Variants in STON1 observed in about 807,000 individuals in gnomAD.
The protein encoded by STON1 is stonin-1.
STON1 carries 79 observed loss-of-function variants against 60.9 expected under a neutral mutation model. The ratio of observed to expected loss-of-function variants is 1.30; its 90% CI spans 1.08 to 1.56. The LOEUF is 1.56. Ranked by LOEUF, STON1 falls within the 40% of genes most tolerant of loss-of-function variation. STON1 has a pLI of 0.00. For missense variants in STON1, 1,166 were observed against 858.9 expected (o/e 1.36, Z -4.47); for synonymous variants, 363 against 306.9 (o/e 1.18, Z -1.91).
rs1322217733 is a variant in STON1 at position 48,564,595 on chromosome 2, TCC to T, written c.-47-15991_-47-15990del. 4.2e-4 allele frequency among the ~76,000 whole-genome samples: 30 copies of T among 71,554 alleles called. 8 individuals carry two copies. The highest frequency in any genetic ancestry group is 6.8e-4 in the Admixed American group (5 of 7,392). 46.9% of individuals were successfully genotyped at this position (71,554 alleles called of 152,430 possible). The stretch of plus-strand genomic sequence containing the variant: ...CTTCTCCTTCTCCTCCTCCTCCTCC[TCC>T]TCCTCCTTCTCCTTCTCCTTCTCCT... On this transcript the variant is annotated intron_variant, in intron 1 of 3. Transcript: ENST00000404752.
chr2:48,576,185 C>T (rs919913306), intron 1 of STON1, among the ~76,000 whole-genome samples: 9 of 63,070 alleles, frequency 1.4e-4, no homozygotes, highest in East Asian at 1.1e-3. Flanking sequence ...GTTTTCCTTT[C>T]TTTTTTTTTT....
At chr2:48,573,700 G>C (rs1673333141) in intron 1 of STON1, among the ~76,000 whole-genome samples, 2 of 152,192 alleles carry the variant, frequency 1.3e-5, no homozygotes, top group Non-Finnish European at 2.9e-5. Flanking sequence ...CAAGAAAAAG[G>C]ATCACACGAA....
intron 1 of STON1, among the ~76,000 whole-genome samples, chr2:48,572,086 C>G (rs1030311457): frequency 9.9e-5 from 15 of 152,136 alleles, no homozygotes; most frequent in Non-Finnish European, 2.1e-4. Flanking sequence ...TTGCTTGAAC[C>G]TGGGAGGCAG....
chr2:48,590,365 A>G, intron 2 of STON1, among the ~76,000 whole-genome samples: 1 of 152,180 alleles, frequency 6.6e-6, no homozygotes, highest in East Asian at 1.9e-4. Context: ...TATGGAACGA[A>G]AGGTAATTTA....
At chr2:48,583,910 C>A (rs562493945) in intron 2 of STON1, among the ~76,000 whole-genome samples, 3 of 152,090 alleles carry the variant, frequency 2.0e-5, no homozygotes, top group African/African-American at 4.8e-5. Context: ...CACCACCATG[C>A]CTGGCTAATT....
At chr2:48,557,911 A>G (rs1412924491) in intron 1 of STON1, among the ~76,000 whole-genome samples, 4 of 152,210 alleles carry the variant, frequency 2.6e-5, no homozygotes, top group African/African-American at 4.8e-5. Flanking sequence ...TGCTTTGTAT[A>G]TAGGACCTTA....
intron 1 of STON1, among the ~76,000 whole-genome samples, chr2:48,558,585 T>C (rs185521304): frequency 5.3e-4 from 81 of 152,362 alleles, no homozygotes; most frequent in African/African-American, 1.9e-3. Flanking sequence ...AATTGGATTT[T>C]GTATCTGCTT....
At chr2:48,564,442 T>C (rs1165919694) in intron 1 of STON1, among the ~76,000 whole-genome samples, 17 of 50,252 alleles carry the variant, frequency 3.4e-4, no homozygotes, top group African/African-American at 1.0e-3. Context: ...TTCTTCTTCT[T>C]CTTCTTCTTC....
In STON1 at chr2:48,581,082, G is replaced by A. The variant is rs191162747; in HGVS notation, c.449G>A (p.Gly150Asp). Residue 150 changes from glycine to aspartate, a missense_variant, in exon 2 of 4, where the codon GGT becomes GAT. Transcript: ENST00000404752. Reference sequence around the variant, plus strand: ...TGTACACATCCAACTCCCAAAGTAGGTCTTCCAGATGAAGTTAATCCTCAA... The same window carrying A: ...TGTACACATCCAACTCCCAAAGTAGATCTTCCAGATGAAGTTAATCCTCAA... Reference protein sequence around the residue: ...HSCTHPTPKVGLPDEVNPQQA... With the variant: ...HSCTHPTPKVDLPDEVNPQQA... 6.2e-7 allele frequency: 1 copy of A among 1,600,832 alleles called. No homozygotes were observed. Among genetic ancestry groups the A allele is most frequent in the Non-Finnish European group, 8.5e-7 (1 of 1,175,048 alleles).
chr2:48,582,291 C>T lies in STON1; in HGVS notation c.1658C>T (p.Ala553Val), dbSNP rs754981323. The T allele has an allele frequency of 6.4e-5, 103 of 1,614,040 alleles. 3 individuals are homozygous for T. In the South Asian group the frequency reaches 8.9e-4, roughly 14 times the overall value. Reference sequence around the variant, plus strand: ...GCTTTTGTCAACATGGCCTCATTGGCGCAGAGGTCATCCTATGCTGGTTCC... The same window carrying T: ...GCTTTTGTCAACATGGCCTCATTGGTGCAGAGGTCATCCTATGCTGGTTCC... ...LQAFVNMASL[A>V]QRSSYAGSLR... Residue 553 changes from alanine to valine, a missense_variant, in exon 2 of 4, where the codon GCG becomes GTG. Physicochemically the swap from Ala to Val is moderately conservative, Grantham distance 64 (BLOSUM62 0). Transcript: ENST00000404752.
chr2:48,531,785 C>G (rs767767616), intron 1 of STON1: 6 of 152,172 alleles, frequency 3.9e-5, no homozygotes, highest in Non-Finnish European at 7.3e-5. Context: ...CTTCTCAAAA[C>G]TTTAGCCATT....
At chr2:48,587,714 C>A (rs534216195) in intron 2 of STON1, among the ~76,000 whole-genome samples, 26 of 152,308 alleles carry the variant, frequency 1.7e-4, no homozygotes, top group African/African-American at 6.3e-4. Context: ...GTCATATCAC[C>A]AGGCCCACAG....
At position 48,581,271 on chromosome 2, in the gene STON1, A is replaced by T; in HGVS notation, c.638A>T (p.Glu213Val). The T allele has an allele frequency of 1.3e-6, 2 of 1,519,136 alleles. No homozygotes were observed. Among genetic ancestry groups the T allele is most frequent in the Non-Finnish European group, 1.8e-6 (2 of 1,137,884 alleles). The allele number at this position is 1,519,136 out of a possible 1,614,324, so 94.1% of individuals were successfully genotyped here. ...AAGATGTTCTCATCAAGAAACAAGG[A>T]GATGCCTATTGACCAAAAAAGCCTA... ...SKKMFSSRNK[E>V]MPIDQKSLNK... Residue 213 changes from glutamate (E) to valine (V), a missense_variant, in exon 2 of 4, where the codon GAG becomes GTG. Coordinates refer to ENST00000404752, the MANE Select transcript of STON1 (RefSeq NM_006873.4).
chr2:48,576,860 C>G (rs1170317918), intron 1 of STON1, among the ~76,000 whole-genome samples: 1 of 151,594 alleles, frequency 6.6e-6, no homozygotes, highest in Admixed American at 6.6e-5. Context: ...TGAGACCATC[C>G]TGGCTAACAC....
In STON1 at chr2:48,582,146, G is replaced by T; in HGVS notation, c.1513G>T (p.Val505Leu). ...EFEQSRIIKFVPLDACRFELM... is the reference protein window; with the variant it reads ...EFEQSRIIKFLPLDACRFELM... ...TGAGCAATCAAGAATCATTAAGTTT[G>T]TACCTCTGGATGCCTGCCGGTTTGA... is the stretch of plus-strand genomic sequence containing the variant. The change falls in exon 2 of 4, where the codon GTA (valine) becomes TTA (leucine). Residue 505 changes from valine to leucine, a missense_variant. Coordinates refer to ENST00000404752, the MANE Select transcript of STON1 (RefSeq NM_006873.4). 2 of 1,614,206 alleles carry T rather than the reference G, an allele frequency of 1.2e-6. No homozygotes were observed. The highest frequency in any genetic ancestry group is 1.7e-4 in the Middle Eastern group (1 of 6,060).
At chr2:48,552,554 G>A (rs1672147958) in intron 1 of STON1, among the ~76,000 whole-genome samples, 2 of 152,096 alleles carry the variant, frequency 1.3e-5, no homozygotes, top group Non-Finnish European at 2.9e-5. Context: ...CCTGGGGTCA[G>A]GAGTTCGGGA....
intron 1 of STON1, among the ~76,000 whole-genome samples, chr2:48,564,835 T>G (rs1672864922): frequency 6.9e-6 from 1 of 145,430 alleles, no homozygotes; most frequent in Non-Finnish European, 1.5e-5. Flanking sequence ...TGGGTCCAAG[T>G]GATTCTCCTG....
At chr2:48,532,709 G>A (rs908591993) in intron 1 of STON1, among the ~76,000 whole-genome samples, 4 of 152,162 alleles carry the variant, frequency 2.6e-5, no homozygotes, top group East Asian at 1.9e-4. Flanking sequence ...CCAGCAGCCC[G>A]AGGAGAGGCT....
In STON1 at chr2:48,581,099, A is replaced by T; in HGVS notation, c.466A>T (p.Asn156Tyr). 1 of 1,601,232 alleles carries T rather than the reference A, an allele frequency of 6.2e-7. No homozygotes were observed. The highest frequency in any genetic ancestry group is 8.5e-7 in the Non-Finnish European group (1 of 1,175,392). Residue 156 changes from asparagine (N) to tyrosine (Y), a missense_variant, in exon 2 of 4, where the codon AAT (asparagine) becomes TAT (tyrosine). Physicochemically the swap from Asn to Tyr is moderately radical, Grantham distance 143. Coordinates refer to ENST00000404752, the MANE Select transcript of STON1 (RefSeq NM_006873.4). ...CAAAGTAGGTCTTCCAGATGAAGTT[A>T]ATCCTCAACAGGCTGAAAGCCTAGG... ...TPKVGLPDEVNPQQAESLGFQ... is the reference protein window; with the variant it reads ...TPKVGLPDEVYPQQAESLGFQ...
Sources: allele counts gnomAD v4.1 joint callset (sites outside exome capture counted in the v4.1 genomes callset), GRCh38; gene constraint gnomAD v4.1.1; transcripts MANE v1.5; gene names NCBI Gene and HGNC (gene_info 2026-07-23, HGNC 2026-07-21).